PAK3: variants seen among roughly 807,000 people sequenced by gnomAD.
PAK3 encodes the protein serine/threonine-protein kinase PAK 3.
A neutral mutation model predicts 41.0 loss-of-function variants in PAK3; 4 were observed. The ratio of observed to expected loss-of-function variants is 0.10; its 90% CI spans 0.05 to 0.22. The LOEUF is 0.22. Ranked by LOEUF, PAK3 falls within the 10% of genes least tolerant of loss-of-function variation. PAK3 has a pLI of 1.00. For missense variants in PAK3, 205 were observed against 409.9 expected (o/e 0.50, Z 4.32); for synonymous variants, 146 against 139.6 (o/e 1.05, Z -0.32).
rs1324801469 is a variant in PAK3, at chrX:111,084,991, G to A, written c.-27-38086G>A. 3.6e-5 allele frequency among the ~76,000 whole-genome samples: 4 copies of A among 111,685 alleles called. No homozygotes were observed. The East Asian group carries it at 1.1e-3, about 31-fold the overall frequency. On this transcript the variant is annotated intron_variant, in intron 1 of 14. Transcript: ENST00000425146. ...ATATAGAAACAGCTTTGGGCTCTCA[G>A]TTCACCCAAAATGGTCTGGGGAGAG...
At chrX:111,150,821 T>G (rs1172683207) in intron 7 of PAK3, among the ~76,000 whole-genome samples, 1 of 112,143 alleles carries the variant, frequency 8.9e-6, no homozygotes, top group Non-Finnish European at 1.9e-5. Flanking sequence ...ATTTGAGTTC[T>G]CTCTCTACAA....
chrX:111,188,295 G>A (rs1373105979), intron 11 of PAK3, among the ~76,000 whole-genome samples: 1 of 110,069 alleles, frequency 9.1e-6, no homozygotes, highest in Non-Finnish European at 1.9e-5. Context: ...CACAATTTTA[G>A]CCCTCAGGAC....
At chrX:111,078,061 C>T (rs1320115564) in intron 1 of PAK3, among the ~76,000 whole-genome samples, 1 of 111,626 alleles carries the variant, frequency 9.0e-6, no homozygotes, top group Non-Finnish European at 1.9e-5. Flanking sequence ...ATGAAAAAAG[C>T]TCAACATCAC....
At chrX:111,166,345 C>T (rs1046382457) in intron 10 of PAK3, among the ~76,000 whole-genome samples, 2 of 111,591 alleles carry the variant, frequency 1.8e-5, no homozygotes, top group Non-Finnish European at 3.8e-5. Context: ...GCTCTGTTAC[C>T]CAGGCTGGAG....
At chrX:111,196,002 A>G in intron 15 of PAK3, 61 bp downstream of exon 15, 2 of 677,065 alleles carry the variant, frequency 3.0e-6, no homozygotes, top group Non-Finnish European at 4.9e-6. Flanking sequence ...TTCATTGTAT[A>G]TCTTAAGAAG....
At chrX:111,051,600 A>G (rs1465250104) in intron 1 of PAK3, among the ~76,000 whole-genome samples, 2 of 111,962 alleles carry the variant, frequency 1.8e-5, no homozygotes, top group Non-Finnish European at 3.8e-5. Context: ...GGTTGCTGAT[A>G]CAATCTGAAC....
intron 8 of PAK3, among the ~76,000 whole-genome samples, chrX:111,153,990 A>G (rs1053343650): frequency 5.3e-5 from 6 of 112,171 alleles, no homozygotes; most frequent in Admixed American, 3.8e-4. Flanking sequence ...CTGACACGTT[A>G]CAACATGGAT....
chrX:111,218,550 G>T (rs2094901082), intron 17 of PAK3, among the ~76,000 whole-genome samples: 1 of 111,799 alleles, frequency 8.9e-6, no homozygotes, highest in Non-Finnish European at 1.9e-5. Flanking sequence ...TAAGGGAAGG[G>T]ATTTCAAATG....
intron 1 of PAK3, among the ~76,000 whole-genome samples, chrX:111,023,251 A>G (rs906784317): frequency 4.5e-5 from 5 of 111,914 alleles, no homozygotes; most frequent in African/African-American, 1.6e-4. Context: ...ATAGTATTCC[A>G]TGGTGTATAT....
At chrX:111,064,306 T>C (rs960073006) in intron 1 of PAK3, among the ~76,000 whole-genome samples, 3 of 111,621 alleles carry the variant, frequency 2.7e-5, no homozygotes, top group African/African-American at 9.8e-5. Context: ...ATTTTAACTT[T>C]TATTTTAGAT....
intron 1 of PAK3, among the ~76,000 whole-genome samples, chrX:111,029,470 A>G (rs2092315255): frequency 8.9e-6 from 1 of 112,197 alleles, no homozygotes; most frequent in African/African-American, 3.2e-5. Context: ...TTTGTATGTT[A>G]TATGCATTAT....
intron 1 of PAK3, among the ~76,000 whole-genome samples, chrX:111,024,664 C>A (rs914666462): frequency 8.1e-5 from 9 of 111,073 alleles, no homozygotes; most frequent in African/African-American, 2.9e-4. Context: ...AACTACTAGA[C>A]TTAAAAATTA....
intron 10 of PAK3, among the ~76,000 whole-genome samples, chrX:111,166,813 CAT>C (rs1239128251): frequency 1.8e-5 from 2 of 111,865 alleles, no homozygotes; most frequent in Non-Finnish European, 3.8e-5. Context: ...GTATCAGGCA[CAT>C]CATAGGGGCT....
At chrX:111,112,128 A>T (rs181789814) in intron 4 of PAK3, among the ~76,000 whole-genome samples, 47 of 111,895 alleles carry the variant, frequency 4.2e-4, no homozygotes, top group Non-Finnish European at 7.7e-4. Flanking sequence ...AAAGTTAATC[A>T]TGCTATCTCA....
intron 8 of PAK3, among the ~76,000 whole-genome samples, chrX:111,161,466 T>A (rs1190825053): frequency 2.7e-5 from 3 of 111,012 alleles, no homozygotes; most frequent in African/African-American, 9.9e-5. Context: ...AGCTCTTTAG[T>A]TTAATTAGAT....
intron 1 of PAK3, among the ~76,000 whole-genome samples, chrX:110,969,450 ATT>A (rs35064494): frequency 0.044 from 2,071 of 47,352 alleles, 37 homozygotes; most frequent in Non-Finnish European, 0.045. Context: ...GACGTGGCTA[ATT>A]TTTTTTTTTT....
intron 1 of PAK3, among the ~76,000 whole-genome samples, chrX:111,088,790 C>T (rs1324365715): frequency 8.9e-6 from 1 of 111,872 alleles, no homozygotes. Flanking sequence ...TCAAAGTAGG[C>T]GGTGTAGTTA....
chrX:111,138,047 CTTT>C (rs36088513), intron 5 of PAK3, among the ~76,000 whole-genome samples: 1 of 99,724 alleles, frequency 1.0e-5, no homozygotes, highest in African/African-American at 3.6e-5. Context: ...GAGCTCAAAT[CTTT>C]TTTTTTTTTT....
rs191554649 is a variant in PAK3 at position 111,007,672 on chromosome X, C to G, written c.-28+63044C>G. Among the ~76,000 whole-genome samples, 281 of 112,030 alleles carry G rather than the reference C, an allele frequency of 2.5e-3. 3 individuals carry two copies. Among genetic ancestry groups the G allele is most frequent in the Admixed American group, 0.023 (243 of 10,619 alleles). On this transcript the variant is annotated intron_variant, in intron 1 of 14. Transcript: ENST00000425146. ...GAGGACCCTGCTTCCATCAGAACTTCCCAAACCTTGCTCTACCATTTCCCC... is the reference window on the plus strand; with the variant it reads ...GAGGACCCTGCTTCCATCAGAACTTGCCAAACCTTGCTCTACCATTTCCCC...
Sources: gnomAD v4.1 joint callset for allele counts (sites outside exome capture counted in the v4.1 genomes callset) on GRCh38, gnomAD v4.1.1 for gene constraint, MANE v1.5 for transcripts, NCBI Gene and HGNC (gene_info 2026-07-23, HGNC 2026-07-21) for gene names.